Variants in GRXCR1 observed in about 807,000 individuals in gnomAD.
GRXCR1 encodes the protein glutaredoxin and cysteine rich domain containing 1, also known as glutaredoxin domain-containing cysteine-rich protein 1.
GRXCR1 carries 27 observed loss-of-function variants against 27.3 expected under a neutral mutation model. The ratio of observed to expected loss-of-function variants is 0.99; its 90% CI spans 0.73 to 1.37. GRXCR1 has a LOEUF of 1.37. GRXCR1 is among the 40% of genes most tolerant of loss of function. The pLI, the probability that GRXCR1 is intolerant of heterozygous loss-of-function variation, is 0.00. For missense variants in GRXCR1, 379 were observed against 354.4 expected (o/e 1.07, Z -0.56); for synonymous variants, 122 against 131.1 (o/e 0.93, Z 0.47).
chr4:42,917,928 A>G (rs886741037), intron 1 of GRXCR1, among the ~76,000 whole-genome samples: 2 of 152,140 alleles, frequency 1.3e-5, no homozygotes, highest in Admixed American at 6.6e-5. Context: ...GATTCCAGAA[A>G]AGTCAGCACT....
At chr4:42,928,244 G>A (rs866421559) in intron 1 of GRXCR1, among the ~76,000 whole-genome samples, 19 of 151,960 alleles carry the variant, frequency 1.3e-4, no homozygotes, top group Admixed American at 3.3e-4. Context: ...TCCTGCACAC[G>A]TTTCCAGGCT....
chr4:42,940,045 C>A (rs1258812630), intron 1 of GRXCR1, among the ~76,000 whole-genome samples: 1 of 151,890 alleles, frequency 6.6e-6, no homozygotes, highest in East Asian at 1.9e-4. Flanking sequence ...GTGGTGGAGA[C>A]GGCTCTGGGC....
At chr4:42,919,165 C>T (rs1220098836) in intron 1 of GRXCR1, among the ~76,000 whole-genome samples, 2 of 152,058 alleles carry the variant, frequency 1.3e-5, no homozygotes, top group Non-Finnish European at 2.9e-5. Flanking sequence ...CATGGCAAAA[C>T]GGGGCCTATA....
rs561908950 is a variant in GRXCR1, at chr4:42,967,147, G to T, written c.627+4013G>T. 6.6e-5 allele frequency among the ~76,000 whole-genome samples: 10 copies of T among 152,108 alleles called. 1 individual carries two copies. The South Asian group carries it at 2.1e-3, about 32-fold the overall frequency. On this transcript the variant is annotated intron_variant, in intron 2 of 3. Transcript: ENST00000399770. ...ACCAAACCCTAGATCATCTAGATTTGCTCCTAGTTATCTTCTAGGAGTGTT... is the reference window on the plus strand; with the variant it reads ...ACCAAACCCTAGATCATCTAGATTTTCTCCTAGTTATCTTCTAGGAGTGTT...
intron 2 of GRXCR1, among the ~76,000 whole-genome samples, chr4:42,982,996 T>G (rs999955168): frequency 2.2e-3 from 329 of 152,208 alleles, no homozygotes; most frequent in African/African-American, 7.0e-3. Flanking sequence ...TTTCTCCCAT[T>G]TTGTAGGTTG....
intron 2 of GRXCR1, among the ~76,000 whole-genome samples, chr4:42,984,493 TG>T (rs1711618776): frequency 6.6e-6 from 1 of 152,228 alleles, no homozygotes; most frequent in South Asian, 2.1e-4. Flanking sequence ...TCTGTGCATT[TG>T]AAAAAGTAGA....
chr4:42,934,172 C>A (rs1020235092), intron 1 of GRXCR1, among the ~76,000 whole-genome samples: 10 of 151,404 alleles, frequency 6.6e-5, no homozygotes, highest in African/African-American at 2.4e-4. Flanking sequence ...AGACAGTTAA[C>A]TGAAAACATA....
intron 2 of GRXCR1, among the ~76,000 whole-genome samples, chr4:42,993,536 A>G (rs1712042491): frequency 6.6e-6 from 1 of 152,150 alleles, no homozygotes; most frequent in Non-Finnish European, 1.5e-5. Flanking sequence ...TGAACATTAT[A>G]GCTTAGCCTA....
chr4:42,975,300 A>G (rs1405160239), intron 2 of GRXCR1, among the ~76,000 whole-genome samples: 4 of 152,124 alleles, frequency 2.6e-5, no homozygotes, highest in African/African-American at 9.7e-5. Flanking sequence ...TCATGAAAGC[A>G]ATTTATTGTC....
chr4:42,953,225 T>TA (rs1321337797), intron 1 of GRXCR1, among the ~76,000 whole-genome samples: 1 of 152,156 alleles, frequency 6.6e-6, no homozygotes, highest in Non-Finnish European at 1.5e-5. Flanking sequence ...GCCATTCCTC[T>TA]ATCAAGAAGT....
intron 1 of GRXCR1, among the ~76,000 whole-genome samples, chr4:42,934,333 C>A (rs1260128953): frequency 6.6e-6 from 1 of 151,328 alleles, no homozygotes; most frequent in Admixed American, 6.6e-5. Context: ...GTAAAAAGTG[C>A]AAAATGGATG....
chr4:42,947,731 A>T (rs1186485070), intron 1 of GRXCR1, among the ~76,000 whole-genome samples: 4 of 152,116 alleles, frequency 2.6e-5, no homozygotes, highest in African/African-American at 9.7e-5. Context: ...CAATGTTTCC[A>T]GAAATAATTT....
chr4:42,966,061 T>C (rs1228373820), intron 2 of GRXCR1, among the ~76,000 whole-genome samples: 1 of 152,034 alleles, frequency 6.6e-6, no homozygotes, highest in Non-Finnish European at 1.5e-5. Flanking sequence ...AAAAATACTT[T>C]AGAAGGTAAA....
chr4:43,001,856 A>AAGGG (rs1553945059), intron 2 of GRXCR1, among the ~76,000 whole-genome samples: 1 of 151,350 alleles, frequency 6.6e-6, no homozygotes, highest in Admixed American at 6.6e-5. Flanking sequence ...AGGAATGTAG[A>AAGGG]GAGCAGGGTG....
intron 2 of GRXCR1, among the ~76,000 whole-genome samples, chr4:42,969,317 T>C (rs1748325552): frequency 6.6e-6 from 1 of 152,136 alleles, no homozygotes; most frequent in African/African-American, 2.4e-5. Context: ...GATATTTTTG[T>C]TTTTGTCTGT....
At chr4:42,958,782 G>A (rs1748065757) in intron 1 of GRXCR1, among the ~76,000 whole-genome samples, 1 of 151,890 alleles carries the variant, frequency 6.6e-6, no homozygotes. Context: ...CTCCGAAGAA[G>A]ACATACAAAT....
At chr4:42,926,968 A>G (rs1747170866) in intron 1 of GRXCR1, among the ~76,000 whole-genome samples, 2 of 152,064 alleles carry the variant, frequency 1.3e-5, no homozygotes, top group African/African-American at 4.8e-5. Context: ...TGATTGTCAT[A>G]GACTATAAGC....
At chr4:42,949,909 G>T (rs1747841246) in intron 1 of GRXCR1, among the ~76,000 whole-genome samples, 1 of 151,996 alleles carries the variant, frequency 6.6e-6, no homozygotes, top group African/African-American at 2.4e-5. Flanking sequence ...AATTCTACAG[G>T]GACTGAAATA....
intron 1 of GRXCR1, among the ~76,000 whole-genome samples, chr4:42,932,824 T>G (rs1358471966): frequency 8.6e-5 from 13 of 151,474 alleles, no homozygotes; most frequent in Admixed American, 7.9e-4. Context: ...GGTTAAGTGC[T>G]CCTGAGTTTG....
Sources: gnomAD v4.1 joint callset for allele counts (sites outside exome capture counted in the v4.1 genomes callset) on GRCh38, gnomAD v4.1.1 for gene constraint, MANE v1.5 for transcripts, NCBI Gene and HGNC (gene_info 2026-07-23, HGNC 2026-07-21) for gene names.